PTPRM: variants seen among roughly 807,000 people sequenced by gnomAD.
The protein encoded by PTPRM is protein tyrosine phosphatase receptor type M, also known as receptor-type tyrosine-protein phosphatase mu.
In PTPRM, 47 loss-of-function variants were observed where a neutral mutation model predicts 186.7. That is an observed-to-expected ratio of 0.25 (90% CI 0.20 to 0.32). PTPRM has a LOEUF of 0.32. Ranked by LOEUF, PTPRM falls within the 10% of genes least tolerant of loss-of-function variation. The pLI, the probability that PTPRM is intolerant of heterozygous loss-of-function variation, is 1.00. For missense variants in PTPRM, 1,494 were observed against 1,865.0 expected, an observed-to-expected ratio of 0.80 and a Z score of 3.66; for synonymous variants, 668 against 674.9, an observed-to-expected ratio of 0.99 and a Z score of 0.16.
chr18:7,606,266 G>A (rs1433502540), intron 1 of PTPRM, among the ~76,000 whole-genome samples: 1 of 152,074 alleles, frequency 6.6e-6, no homozygotes, highest in African/African-American at 2.4e-5. Context: ...GGACCCTTAG[G>A]ATCTGCACAG....
chr18:8,067,590 G>A (rs962908691), intron 7 of PTPRM, among the ~76,000 whole-genome samples: 11 of 152,120 alleles, frequency 7.2e-5, no homozygotes, highest in African/African-American at 2.4e-4. Context: ...ATGCTACGTT[G>A]CATATTTAAC....
chr18:7,660,416 G>T (rs2038952769), intron 1 of PTPRM, among the ~76,000 whole-genome samples: 1 of 152,142 alleles, frequency 6.6e-6, no homozygotes, highest in Admixed American at 6.5e-5. Flanking sequence ...TTTTTGTATG[G>T]TGGCCCAGGC....
intron 2 of PTPRM, among the ~76,000 whole-genome samples, chr18:7,845,962 A>G (rs1042354712): frequency 6.6e-5 from 10 of 152,272 alleles, no homozygotes; most frequent in Non-Finnish European, 8.8e-5. Flanking sequence ...TGCTGACCCT[A>G]TTTGAAACAG....
In PTPRM at chr18:8,236,795, G is replaced by A. The variant is rs147304314; in HGVS notation, c.2301-7263G>A. On this transcript the variant is annotated intron_variant, in intron 14 of 32. Coordinates refer to ENST00000580170, the MANE Select transcript of PTPRM (RefSeq NM_001105244.2). ...GAGCTCAAGCAGTCCACCTGCCTCT[G>A]CTTCCCAAAGTGCTGAGATTATAGG... is the stretch of plus-strand genomic sequence containing the variant. Among the ~76,000 whole-genome samples the A allele has an allele frequency of 3.2e-3, 480 of 152,284 alleles. 2 individuals are homozygous for A. The highest frequency in any genetic ancestry group is 0.011 in the African/African-American group (470 of 41,554).
At chr18:8,199,919 C>T (rs776302983) in intron 14 of PTPRM, among the ~76,000 whole-genome samples, 3 of 152,016 alleles carry the variant, frequency 2.0e-5, no homozygotes, top group Non-Finnish European at 2.9e-5. Flanking sequence ...TCCCAGTTTT[C>T]TGAGTCAAAG....
At chr18:7,720,629 C>A (rs2040428607) in intron 1 of PTPRM, among the ~76,000 whole-genome samples, 2 of 152,128 alleles carry the variant, frequency 1.3e-5, no homozygotes. Context: ...TTAACTAACT[C>A]CCAGCACCTC....
chr18:8,261,230 T>C (rs541083422), intron 19 of PTPRM, among the ~76,000 whole-genome samples: 60 of 152,192 alleles, frequency 3.9e-4, no homozygotes, highest in Middle Eastern at 3.4e-3. Flanking sequence ...AACCAAACCA[T>C]TGAAGGCTAA....
At chr18:7,774,096 A>G (rs1436417596) in intron 1 of PTPRM, 53 bp from the exon 2 acceptor site, 1 of 1,525,236 alleles carries the variant, frequency 6.6e-7, no homozygotes, top group African/African-American at 1.4e-5. Flanking sequence ...ATCATAGCTT[A>G]TTCTAGAGGT....
chr18:8,248,383 G>A, intron 17 of PTPRM: 2 of 648,138 alleles, frequency 3.1e-6, no homozygotes, highest in Non-Finnish European at 5.6e-6. Flanking sequence ...TTTGCTGCAT[G>A]TATCTTGGGG....
Position 7,567,989 on chromosome 18 carries a change from G to A in PTPRM, c.73+98G>A. 8.3e-7 allele frequency: 1 copy of A among 1,198,084 alleles called. No homozygotes were observed. Among genetic ancestry groups the A allele is most frequent in the Non-Finnish European group, 1.1e-6 (1 of 923,526 alleles). 74.2% of individuals were successfully genotyped at this position (1,198,084 alleles called of 1,614,324 possible). ...CTGGTGGTAGAGCCCTAAGGCTGGC[G>A]TCGGGGCCGGGCGGGGGGCGCGGCG... On this transcript the variant is annotated intron_variant, in intron 1 of 32. Coordinates refer to ENST00000580170, the MANE Select transcript of PTPRM (RefSeq NM_001105244.2). The surrounding 1 kb of genome is among the most constrained non-coding windows in gnomAD (Gnocchi z 4.3).
rs147151405 is a variant in PTPRM at position 8,125,599 on chromosome 18, T to C, written c.2167+10772T>C. ...GATTTCATTTCCCGTTAATGAGTTG[T>C]CATCCACAATTTTTAAAAAAATGCT... is the stretch of plus-strand genomic sequence containing the variant. On this transcript the variant is annotated intron_variant, in intron 13 of 32. Coordinates refer to ENST00000580170, the MANE Select transcript of PTPRM (RefSeq NM_001105244.2). Among the ~76,000 whole-genome samples the C allele has an allele frequency of 3.2e-3, 493 of 152,204 alleles. 2 individuals are homozygous for C. The highest frequency in any genetic ancestry group is 0.011 in the African/African-American group (474 of 41,554).
chr18:8,317,817 C>G (rs1229540839), intron 21 of PTPRM, among the ~76,000 whole-genome samples: 1 of 152,170 alleles, frequency 6.6e-6, no homozygotes, highest in Non-Finnish European at 1.5e-5. Context: ...GGTGACTTCA[C>G]CATCAGATGA....
rs144375533 is a variant in PTPRM at position 8,120,844 on chromosome 18, G to A, written c.2167+6017G>A. The stretch of plus-strand genomic sequence containing the variant: ...TTCATTTTTCTCAAAAGGAGAACAG[G>A]TCAGACTCTCCTACAGATAATGCGG... On this transcript the variant is annotated intron_variant, in intron 13 of 32. Coordinates refer to ENST00000580170, the MANE Select transcript of PTPRM (RefSeq NM_001105244.2). 5.8e-3 allele frequency among the ~76,000 whole-genome samples: 885 copies of A among 152,204 alleles called. 8 individuals are homozygous for A. Among genetic ancestry groups the A allele is most frequent in the African/African-American group, 0.02 (821 of 41,530 alleles).
chr18:8,151,271 G>A (rs2093000081), intron 14 of PTPRM, among the ~76,000 whole-genome samples: 1 of 151,404 alleles, frequency 6.6e-6, no homozygotes, highest in African/African-American at 2.5e-5. Flanking sequence ...GGGAGGTGGG[G>A]ATTTTATCTA....
At chr18:7,763,748 G>A (rs2041891385) in intron 1 of PTPRM, among the ~76,000 whole-genome samples, 1 of 152,172 alleles carries the variant, frequency 6.6e-6, no homozygotes, top group African/African-American at 2.4e-5. Context: ...TTGAGTTTAG[G>A]TTAATCAATG....
intron 1 of PTPRM, among the ~76,000 whole-genome samples, chr18:7,615,518 G>A (rs1232790526): frequency 1.3e-5 from 2 of 152,078 alleles, no homozygotes; most frequent in Non-Finnish European, 2.9e-5. Flanking sequence ...AGTCTCTGAG[G>A]AGCCATCCCT....
chr18:8,402,244 T>C (rs568379230), intron 32 of PTPRM, among the ~76,000 whole-genome samples: 3 of 152,368 alleles, frequency 2.0e-5, no homozygotes, highest in African/African-American at 7.2e-5. Flanking sequence ...GTCTTCCTTC[T>C]CTTTCCCCTT....
At chr18:8,320,642 C>G (rs1411040038) in intron 22 of PTPRM, among the ~76,000 whole-genome samples, 1 of 152,202 alleles carries the variant, frequency 6.6e-6, no homozygotes, top group African/African-American at 2.4e-5. Flanking sequence ...AAAGCTCCAG[C>G]TATGGCTGAA....
At chr18:8,394,131 G>A (rs561482914) in intron 31 of PTPRM, among the ~76,000 whole-genome samples, 4 of 152,246 alleles carry the variant, frequency 2.6e-5, no homozygotes, top group South Asian at 2.1e-4. Context: ...GTCTTTGAAC[G>A]TAACCCGTAC....
Sources: allele counts gnomAD v4.1 joint callset (sites outside exome capture counted in the v4.1 genomes callset), GRCh38; gene constraint gnomAD v4.1.1; non-coding constraint Gnocchi (gnomAD v3.1); transcripts MANE v1.5; gene names NCBI Gene and HGNC (gene_info 2026-07-23, HGNC 2026-07-21).